NCAM2: variants seen among roughly 807,000 people sequenced by gnomAD.
NCAM2 encodes N-CAM-2.
Under a neutral mutation model 98.1 loss-of-function variants are expected in NCAM2, and 30 were observed. The observed-to-expected ratio is 0.31, with a 90% CI of 0.23 to 0.41. NCAM2 has a LOEUF of 0.41. NCAM2 is among the 10% of genes least tolerant of loss of function. The probability of loss-of-function intolerance (pLI) is 1.00; values close to 1 mark genes in which losing one functional copy is unlikely to be tolerated. For missense variants in NCAM2, 867 were observed against 1,005.8 expected (o/e 0.86, Z 1.87); for synonymous variants, 368 against 342.4 (o/e 1.07, Z -0.83).
At chr21:21,113,422 T>C (rs1280978939) in intron 1 of NCAM2, among the ~76,000 whole-genome samples, 1 of 152,226 alleles carries the variant, frequency 6.6e-6, no homozygotes, top group Non-Finnish European at 1.5e-5. Context: ...CGGTGCACTA[T>C]TGGACAAAAT....
chr21:21,385,308 T>C (rs970005066), intron 9 of NCAM2, among the ~76,000 whole-genome samples: 2 of 151,788 alleles, frequency 1.3e-5, no homozygotes, highest in Admixed American at 6.6e-5. Flanking sequence ...ATACTTTTGT[T>C]ATGCATCATG....
chr21:21,375,189 A>G (rs1005950150), intron 9 of NCAM2, among the ~76,000 whole-genome samples: 5 of 150,920 alleles, frequency 3.3e-5, no homozygotes, highest in Admixed American at 1.3e-4. Context: ...AGAAATTCCC[A>G]TAATAGGATA....
At chr21:21,504,402 A>G (rs1018027037) in intron 15 of NCAM2, among the ~76,000 whole-genome samples, 2 of 150,276 alleles carry the variant, frequency 1.3e-5, no homozygotes, top group African/African-American at 2.4e-5. Flanking sequence ...TGGATTTACA[A>G]TTATTTAAAT....
At chr21:21,192,797 A>C (rs2068866266) in intron 1 of NCAM2, among the ~76,000 whole-genome samples, 1 of 152,188 alleles carries the variant, frequency 6.6e-6, no homozygotes, top group Admixed American at 6.5e-5. Context: ...ATGCACCTGC[A>C]AGTTGAGGTC....
At chr21:21,456,314 A>G (rs1290545035) in intron 12 of NCAM2, among the ~76,000 whole-genome samples, 3 of 152,124 alleles carry the variant, frequency 2.0e-5, no homozygotes, top group African/African-American at 7.2e-5. Flanking sequence ...TAAGAATAAA[A>G]TCTCTAATTA....
chr21:21,157,448 G>A (rs1041100787), intron 1 of NCAM2, among the ~76,000 whole-genome samples: 2 of 152,060 alleles, frequency 1.3e-5, no homozygotes, highest in African/African-American at 2.4e-5. Context: ...GATTATTTTG[G>A]AAGCCGATTA....
At chr21:21,157,325 T>C (rs1353584429) in intron 1 of NCAM2, among the ~76,000 whole-genome samples, 3 of 152,150 alleles carry the variant, frequency 2.0e-5, no homozygotes, top group Non-Finnish European at 4.4e-5. Context: ...CCTTTGAACA[T>C]TTTTCCTTGG....
At chr21:21,006,798 G>GT (rs1026623859) in intron 1 of NCAM2, among the ~76,000 whole-genome samples, 1 of 152,080 alleles carries the variant, frequency 6.6e-6, no homozygotes, top group African/African-American at 2.4e-5. Flanking sequence ...AATGATGTTT[G>GT]TTTTTTGTTT....
intron 1 of NCAM2, among the ~76,000 whole-genome samples, chr21:21,055,038 T>C (rs1373665366): frequency 6.6e-6 from 1 of 152,036 alleles, no homozygotes; most frequent in Non-Finnish European, 1.5e-5. Flanking sequence ...AACTTAAAAA[T>C]ATTAGCTACA....
At chr21:21,050,885 A>G (rs1290748793) in intron 1 of NCAM2, among the ~76,000 whole-genome samples, 1 of 152,218 alleles carries the variant, frequency 6.6e-6, no homozygotes, top group East Asian at 1.9e-4. Context: ...CATGATTACA[A>G]TATCAAAATG....
intron 7 of NCAM2, among the ~76,000 whole-genome samples, chr21:21,336,094 A>C (rs1217620538): frequency 1.3e-5 from 2 of 152,186 alleles, no homozygotes; most frequent in Admixed American, 1.3e-4. Context: ...ATGAAAATAT[A>C]AGATAAATAT....
chr21:21,239,931 G>T (rs569498914), intron 1 of NCAM2, among the ~76,000 whole-genome samples: 1 of 152,000 alleles, frequency 6.6e-6, no homozygotes, highest in South Asian at 2.1e-4. Context: ...AGGATACTTG[G>T]CTCAGGAAAA....
intron 1 of NCAM2, among the ~76,000 whole-genome samples, chr21:21,131,665 T>A (rs540949480): frequency 3.9e-5 from 6 of 152,342 alleles, no homozygotes; most frequent in Non-Finnish European, 8.8e-5. Flanking sequence ...TTGTATTTTT[T>A]AAAATATACG....
chr21:21,044,154 G>T (rs2064963433), intron 1 of NCAM2, among the ~76,000 whole-genome samples: 1 of 151,926 alleles, frequency 6.6e-6, no homozygotes, highest in South Asian at 2.1e-4. Context: ...ATATCCTAAG[G>T]GTATGTATTT....
At chr21:21,099,231 A>G (rs898328458) in intron 1 of NCAM2, among the ~76,000 whole-genome samples, 1 of 151,870 alleles carries the variant, frequency 6.6e-6, no homozygotes, top group African/African-American at 2.4e-5. Flanking sequence ...CTTAAATGGT[A>G]CTGAGGTTTA....
intron 12 of NCAM2, among the ~76,000 whole-genome samples, chr21:21,452,938 A>ACTT (rs1330192100): frequency 1.0e-5 from 1 of 95,524 alleles, no homozygotes; most frequent in Non-Finnish European, 1.8e-5. Context: ...AATATATATA[A>ACTT]TATAATTTAT....
At chr21:21,062,883 G>T (rs999100985) in intron 1 of NCAM2, among the ~76,000 whole-genome samples, 2 of 152,282 alleles carry the variant, frequency 1.3e-5, no homozygotes, top group Admixed American at 1.3e-4. Context: ...ATATGCAGAT[G>T]AAGTAATTGA....
chr21:21,310,383 C>A (rs962453339), intron 5 of NCAM2, among the ~76,000 whole-genome samples: 1 of 151,908 alleles, frequency 6.6e-6, no homozygotes, highest in African/African-American at 2.4e-5. Flanking sequence ...ATAACAAAGA[C>A]AAACAGTAGG....
At chr21:21,233,047 A>T (rs900434721) in intron 1 of NCAM2, among the ~76,000 whole-genome samples, 1 of 151,522 alleles carries the variant, frequency 6.6e-6, no homozygotes, top group African/African-American at 2.4e-5. Flanking sequence ...TCTATTTTTT[A>T]AAAAAATTCT....
Sources: allele counts gnomAD v4.1 joint callset (sites outside exome capture counted in the v4.1 genomes callset), GRCh38; gene constraint gnomAD v4.1.1; transcripts MANE v1.5; gene names NCBI Gene and HGNC (gene_info 2026-07-23, HGNC 2026-07-21).